The following EVI5 variants were observed in gnomAD, a reference collection of about 807,000 sequenced individuals.
EVI5 encodes the protein ecotropic viral integration site 5.
A neutral mutation model predicts 112.0 loss-of-function variants in EVI5; 73 were observed. That is an observed-to-expected ratio of 0.65 (90% CI 0.54 to 0.79). The LOEUF is 0.79. EVI5 is among the 30% of genes least tolerant of loss of function. The pLI is 0.00. For missense variants in EVI5, 900 were observed against 968.8 expected (o/e 0.93, Z 0.94); for synonymous variants, 305 against 319.9 (o/e 0.95, Z 0.50).
intron 2 of EVI5, among the ~76,000 whole-genome samples, chr1:92,735,646 A>AT (rs58281267): frequency 0.9 from 127,933 of 142,338 alleles, 57,605 homozygotes; most frequent in East Asian, 0.97. Context: ...TGTCATATAT[A>AT]TATATAATTA....
intron 9 of EVI5, among the ~76,000 whole-genome samples, chr1:92,690,976 A>T (rs903949883): frequency 6.6e-6 from 1 of 152,242 alleles, no homozygotes; most frequent in Non-Finnish European, 1.5e-5. Flanking sequence ...CAAGAGATAC[A>T]GAAGTTAAAT....
At chr1:92,628,081 C>T (rs970854508) in intron 14 of EVI5, among the ~76,000 whole-genome samples, 1 of 152,220 alleles carries the variant, frequency 6.6e-6, no homozygotes, top group Non-Finnish European at 1.5e-5. Flanking sequence ...AGCCACCGCA[C>T]CCAGCCGATG....
At chr1:92,736,829 T>C (rs549116466) in intron 1 of EVI5, among the ~76,000 whole-genome samples, 2 of 152,158 alleles carry the variant, frequency 1.3e-5, no homozygotes, top group East Asian at 3.9e-4. Flanking sequence ...CATGAACAAA[T>C]CAGAACAGTG....
intron 1 of EVI5, among the ~76,000 whole-genome samples, chr1:92,783,808 C>CAAAAAAAAAAAAAA (rs58484805): frequency 1.1e-5 from 1 of 94,304 alleles, no homozygotes; most frequent in Non-Finnish European, 2.1e-5. Flanking sequence ...GACTCCCTGT[C>CAAAAAAAAAAAAAA]AAAAAAAAAA....
chr1:92,630,311 A>G (rs1412575524), intron 14 of EVI5, among the ~76,000 whole-genome samples: 2 of 152,146 alleles, frequency 1.3e-5, no homozygotes, highest in Admixed American at 6.5e-5. Flanking sequence ...CTATTTCTCC[A>G]CATCCTCTCC....
chr1:92,720,072 A>C (rs1240210263), intron 2 of EVI5, among the ~76,000 whole-genome samples: 2 of 152,106 alleles, frequency 1.3e-5, no homozygotes, highest in African/African-American at 4.8e-5. Flanking sequence ...AATAGGAAGA[A>C]TCAATACTGT....
At chr1:92,781,494 GAAAA>G (rs201433647) in intron 1 of EVI5, among the ~76,000 whole-genome samples, 1 of 141,760 alleles carries the variant, frequency 7.1e-6, no homozygotes, top group Admixed American at 7.1e-5. Context: ...GACCCTGTCT[GAAAA>G]AAAAAAAAAT....
At chr1:92,566,511 A>G (rs2100940280) in intron 18 of EVI5, among the ~76,000 whole-genome samples, 1 of 152,326 alleles carries the variant, frequency 6.6e-6, no homozygotes, top group East Asian at 1.9e-4. Flanking sequence ...TGCACAGTGG[A>G]TAATAATTGA....
intron 19 of EVI5, among the ~76,000 whole-genome samples, chr1:92,561,625 CTAT>C (rs1668623808): frequency 7.1e-6 from 1 of 141,444 alleles, no homozygotes; most frequent in African/African-American, 2.7e-5. Flanking sequence ...ATCTATCTAT[CTAT>C]CTATCTATCT....
intron 18 of EVI5, among the ~76,000 whole-genome samples, chr1:92,592,085 T>G (rs747753834): frequency 6.6e-6 from 1 of 151,926 alleles, no homozygotes; most frequent in African/African-American, 2.4e-5. Flanking sequence ...CTACTAAAAA[T>G]ACAAAAAATT....
chr1:92,738,377 A>G (rs1570686549), intron 1 of EVI5, among the ~76,000 whole-genome samples: 1 of 152,290 alleles, frequency 6.6e-6, no homozygotes, highest in South Asian at 2.1e-4. Context: ...AAGAAAACCT[A>G]ATGTATAAAA....
intron 1 of EVI5, among the ~76,000 whole-genome samples, chr1:92,746,011 A>C (rs1679198643): frequency 6.6e-6 from 1 of 152,214 alleles, no homozygotes. Context: ...TGAAAGCCTA[A>C]GTTGGGTGTA....
At chr1:92,661,009 T>A (rs1424926866) in intron 13 of EVI5, among the ~76,000 whole-genome samples, 1 of 149,814 alleles carries the variant, frequency 6.7e-6, no homozygotes, top group Non-Finnish European at 1.5e-5. Flanking sequence ...ATTTAATCAT[T>A]TGGGAAAAAA....
chr1:92,736,704 A>T lies in EVI5; in HGVS notation c.-81-77T>A, dbSNP rs527959606. The T allele has an allele frequency of 5.5e-5, 52 of 953,536 alleles. No individual in the cohort carries two copies. In the African/African-American group the frequency reaches 7.6e-4, roughly 14 times the overall value. 59.1% of individuals were successfully genotyped at this position (953,536 alleles called of 1,614,324 possible). A position where few individuals can be genotyped will look rare whatever the true frequency, so the allele number is the denominator to read the frequency against. ...CCGAGAACTTAATAATTCTGTTAGG[A>T]TTTACTTAATAACCATCATCAGAAT... is the stretch of plus-strand genomic sequence containing the variant. On this transcript the variant is annotated intron_variant, in intron 1 of 19. Transcript: ENST00000684568.
intron 13 of EVI5, among the ~76,000 whole-genome samples, chr1:92,661,118 T>C (rs1210153386): frequency 3.9e-5 from 6 of 152,018 alleles, no homozygotes; most frequent in African/African-American, 1.2e-4. Context: ...CAAAGCTCTT[T>C]ATATCATATA....
chr1:92,717,209 T>C (rs1253249541), intron 2 of EVI5, among the ~76,000 whole-genome samples: 1 of 151,964 alleles, frequency 6.6e-6, no homozygotes, highest in African/African-American at 2.4e-5. Flanking sequence ...ATTAATGAAA[T>C]ACTCCTCAAG....
chr1:92,639,210 A>G (rs1572052325), intron 13 of EVI5, among the ~76,000 whole-genome samples: 1 of 152,182 alleles, frequency 6.6e-6, no homozygotes, highest in East Asian at 1.9e-4. Context: ...TAGTAAGCAG[A>G]GTCTGCTTTT....
chr1:92,547,624 A>C (rs1210371028), intron 19 of EVI5, among the ~76,000 whole-genome samples: 7 of 152,218 alleles, frequency 4.6e-5, no homozygotes, highest in Non-Finnish European at 1.0e-4. Flanking sequence ...AAGAAAAGAG[A>C]GAAGAATCAA....
At chr1:92,744,263 T>C (rs907863907) in intron 1 of EVI5, among the ~76,000 whole-genome samples, 3 of 152,214 alleles carry the variant, frequency 2.0e-5, no homozygotes, top group African/African-American at 7.2e-5. Context: ...CATATGAGTT[T>C]GAGAAAAATG....
Sources: gnomAD v4.1 joint callset for allele counts (sites outside exome capture counted in the v4.1 genomes callset) on GRCh38, gnomAD v4.1.1 for gene constraint, MANE v1.5 for transcripts, NCBI Gene and HGNC (gene_info 2026-07-23, HGNC 2026-07-21) for gene names.